Variants in EPB41L4A observed in about 807,000 individuals in gnomAD.
EPB41L4A encodes band 4.1-like protein 4A.
Under a neutral mutation model 108.6 loss-of-function variants are expected in EPB41L4A, and 100 were observed. The ratio of observed to expected loss-of-function variants is 0.92; its 90% CI spans 0.78 to 1.09. EPB41L4A has a LOEUF of 1.09. EPB41L4A is among the 50% of genes least tolerant of loss of function. The probability of loss-of-function intolerance (pLI) is 0.00; values close to 1 mark genes in which losing one functional copy is unlikely to be tolerated. For synonymous variants in EPB41L4A, 319 were observed against 289.0 expected, an observed-to-expected ratio of 1.10 and a Z score of -1.05; for missense variants, 1,030 against 842.7, an observed-to-expected ratio of 1.22 and a Z score of -2.75.
At chr5:112,396,091 G>A (rs1452905125) in intron 1 of EPB41L4A, among the ~76,000 whole-genome samples, 1 of 152,022 alleles carries the variant, frequency 6.6e-6, no homozygotes, top group East Asian at 1.9e-4. Flanking sequence ...ACCCACTGGG[G>A]CCTGTCGTGG....
At chr5:112,160,324 C>T (rs961422165), downstream of EPB41L4A, among the ~76,000 whole-genome samples, 1 of 152,140 alleles carries the variant, frequency 6.6e-6, no homozygotes, top group African/African-American at 2.4e-5. Flanking sequence ...GCCCTCCTGG[C>T]ACTTACATTG....
intron 1 of EPB41L4A, among the ~76,000 whole-genome samples, chr5:112,409,176 C>T (rs140913499): frequency 2.0e-5 from 3 of 152,250 alleles, no homozygotes; most frequent in East Asian, 1.9e-4. Context: ...CTGATATGTG[C>T]TACATTGTGA....
downstream of EPB41L4A, chr5:112,160,518 A>T (rs1474313853): frequency 6.6e-6 from 1 of 152,424 alleles, no homozygotes; most frequent in South Asian, 2.1e-4. Context: ...AGCTGGACTC[A>T]TGAATTCTGT....
Position 112,179,272 on chromosome 5 carries a change from A to G in EPB41L4A, c.1622+4744T>C, listed in dbSNP as rs528762777. Among the ~76,000 whole-genome samples, 9 of 152,228 alleles carry G rather than the reference A, an allele frequency of 5.9e-5. No homozygotes were observed. The South Asian group carries it at 1.7e-3, about 28-fold the overall frequency. On this transcript the variant is annotated intron_variant, in intron 18 of 22. Transcript: ENST00000261486. ...CACTGGTGAATTCTATATTTAAGGA[A>G]GAAAAAAATGCTTTTATATTAACTC...
chr5:112,411,378 T>G (rs1376233623), intron 1 of EPB41L4A, among the ~76,000 whole-genome samples: 1 of 152,160 alleles, frequency 6.6e-6, no homozygotes, highest in Non-Finnish European at 1.5e-5. Flanking sequence ...CTCTCCCACT[T>G]CTAACAACCA....
chr5:112,196,227 A>T (rs17134226), intron 15 of EPB41L4A, among the ~76,000 whole-genome samples: 1 of 152,032 alleles, frequency 6.6e-6, no homozygotes, highest in Non-Finnish European at 1.5e-5. Flanking sequence ...AACAGCTTCA[A>T]TGGGGCATCC....
chr5:112,241,984 G>A (rs75840268), intron 9 of EPB41L4A, among the ~76,000 whole-genome samples: 1 of 152,172 alleles, frequency 6.6e-6, no homozygotes, highest in African/African-American at 2.4e-5. Context: ...GTGAAAAATG[G>A]TAAAAGTCAT....
downstream of EPB41L4A, among the ~76,000 whole-genome samples, chr5:112,159,769 A>G (rs1759782412): frequency 6.6e-6 from 1 of 152,210 alleles, no homozygotes; most frequent in Non-Finnish European, 1.5e-5. Flanking sequence ...GAAGTATAAA[A>G]TATACACCGG....
intron 1 of EPB41L4A, among the ~76,000 whole-genome samples, chr5:112,381,257 T>C (rs1580795397): frequency 6.6e-6 from 1 of 152,210 alleles, no homozygotes; most frequent in East Asian, 1.9e-4. Flanking sequence ...GATTGCAGAA[T>C]TGTAAGGAAT....
rs140341525 is a variant in EPB41L4A, at chr5:112,258,019, G to A, written c.795+1210C>T. 1.8e-4 allele frequency among the ~76,000 whole-genome samples: 27 copies of A among 152,278 alleles called. No homozygotes were observed. The East Asian group carries it at 3.3e-3, about 19-fold the overall frequency. On this transcript the variant is annotated intron_variant, in intron 9 of 22. Transcript: ENST00000261486. ...GGATTTCCTCCAAACTAAACCATAA[G>A]AACAACTATATGGCTTCTGTACTAT...
rs538453382 is a variant in EPB41L4A, at chr5:112,362,182, C to A, written c.100-54692G>T. 2.5e-4 allele frequency among the ~76,000 whole-genome samples: 38 copies of A among 152,242 alleles called. No homozygotes were observed. The South Asian group carries it at 5.8e-3, about 23-fold the overall frequency. ...GTACAAGTACAACCATAGCTCACAG[C>A]AGCCTTGAATTCCTGGCCTCAAGCA... On this transcript the variant is annotated intron_variant, in intron 1 of 22. Transcript: ENST00000261486.
At chr5:112,280,199 T>G in intron 3 of EPB41L4A, 73 bp downstream of exon 3, 1 of 1,325,410 alleles carries the variant, frequency 7.5e-7, no homozygotes, top group Non-Finnish European at 1.1e-6. Context: ...AGCCCACTTC[T>G]GCACCCAACT....
chr5:112,373,108 ACTGAGCAGGAACTCCTGCT>A (rs1223043631), intron 1 of EPB41L4A, among the ~76,000 whole-genome samples: 8 of 152,212 alleles, frequency 5.3e-5, no homozygotes, highest in Non-Finnish European at 1.0e-4. Flanking sequence ...CACACTGCAG[ACTGAGCAGGAACTCCTGCT>A]CTATCCACCT....
intron 4 of EPB41L4A, among the ~76,000 whole-genome samples, chr5:112,268,148 G>C (rs1214923781): frequency 6.6e-6 from 1 of 152,226 alleles, no homozygotes; most frequent in East Asian, 1.9e-4. Flanking sequence ...GTGGGAGGCT[G>C]AGGCAGGTGG....
At chr5:112,259,829 G>A in intron 8 of EPB41L4A, 62 bp downstream of exon 8, 1 of 1,179,716 alleles carries the variant, frequency 8.5e-7, no homozygotes, top group Admixed American at 1.7e-5. Flanking sequence ...CTCTTTCACT[G>A]ACACAGGAGT....
intron 1 of EPB41L4A, among the ~76,000 whole-genome samples, chr5:112,322,798 C>T (rs1163731129): frequency 6.6e-6 from 1 of 151,924 alleles, no homozygotes; most frequent in Non-Finnish European, 1.5e-5. Context: ...CCAGAGTGCT[C>T]TTAGCCTGCC....
intron 2 of EPB41L4A, among the ~76,000 whole-genome samples, chr5:112,287,195 A>T (rs1753343798): frequency 1.3e-5 from 2 of 152,188 alleles, no homozygotes; most frequent in African/African-American, 4.8e-5. Flanking sequence ...CCAACTGCCT[A>T]CTTGGCATCT....
At chr5:112,281,806 A>G (rs1298173426) in intron 2 of EPB41L4A, among the ~76,000 whole-genome samples, 3 of 152,206 alleles carry the variant, frequency 2.0e-5, no homozygotes, top group African/African-American at 7.2e-5. Context: ...TATGAATGCA[A>G]TTATTCATAC....
chr5:112,218,472 C>T (rs1208606398), intron 12 of EPB41L4A, among the ~76,000 whole-genome samples: 1 of 152,158 alleles, frequency 6.6e-6, no homozygotes, highest in East Asian at 1.9e-4. Flanking sequence ...AATCCTCTAT[C>T]AGGGCTACAC....
Sources: gnomAD v4.1 joint callset for allele counts (sites outside exome capture counted in the v4.1 genomes callset) on GRCh38, gnomAD v4.1.1 for gene constraint, MANE v1.5 for transcripts, NCBI Gene and HGNC (gene_info 2026-07-23, HGNC 2026-07-21) for gene names.